Variants in NRG3 observed in about 807,000 individuals in gnomAD.
The protein encoded by NRG3 is pro-neuregulin-3, membrane-bound isoform.
Under a neutral mutation model 66.9 loss-of-function variants are expected in NRG3, and 31 were observed. The ratio of observed to expected loss-of-function variants is 0.46; its 90% CI spans 0.35 to 0.63. NRG3 has a LOEUF of 0.63. Ranked by LOEUF, NRG3 falls within the 20% of genes least tolerant of loss-of-function variation. The pLI, the probability that NRG3 is intolerant of heterozygous loss-of-function variation, is 0.00. For synonymous variants in NRG3, 393 were observed against 359.4 expected (o/e 1.09, Z -1.06); for missense variants, 910 against 878.9 (o/e 1.04, Z -0.45).
At chr10:82,827,171 A>G in intron 3 of NRG3, 1 of 335,540 alleles carries the variant, frequency 3.0e-6, no homozygotes, top group South Asian at 2.3e-5. Flanking sequence ...TCATCTTCAT[A>G]GCCCATATGT....
At chr10:82,039,993 T>G (rs973455744) in intron 1 of NRG3, among the ~76,000 whole-genome samples, 16 of 151,138 alleles carry the variant, frequency 1.1e-4, no homozygotes, top group African/African-American at 1.5e-4. Context: ...CCATGTAGAT[T>G]AAATACTGCT....
At chr10:81,906,212 A>T (rs943564424) in intron 1 of NRG3, among the ~76,000 whole-genome samples, 1 of 151,060 alleles carries the variant, frequency 6.6e-6, no homozygotes, top group African/African-American at 2.4e-5. Flanking sequence ...TGTTCTTATC[A>T]TCATCATCAT....
intron 3 of NRG3, among the ~76,000 whole-genome samples, chr10:82,799,443 T>C (rs911540256): frequency 6.6e-6 from 1 of 150,902 alleles, no homozygotes; most frequent in Admixed American, 6.6e-5. Flanking sequence ...GGAGAGTCAC[T>C]TGAACCGGGG....
chr10:82,228,674 C>G (rs937116811), intron 1 of NRG3, among the ~76,000 whole-genome samples: 1 of 152,178 alleles, frequency 6.6e-6, no homozygotes, highest in African/African-American at 2.4e-5. Flanking sequence ...ATACAGCCCC[C>G]TTTCCTCATG....
chr10:82,279,941 T>G (rs2079046143), intron 1 of NRG3, among the ~76,000 whole-genome samples: 1 of 152,198 alleles, frequency 6.6e-6, no homozygotes, highest in Non-Finnish European at 1.5e-5. Context: ...TTGAATCTAC[T>G]TTTTAAAATA....
At chr10:82,437,947 C>T (rs547314373) in intron 2 of NRG3, among the ~76,000 whole-genome samples, 79 of 152,266 alleles carry the variant, frequency 5.2e-4, no homozygotes, top group African/African-American at 1.8e-3. Flanking sequence ...CCTCTGACCT[C>T]GAGGGGCACC....
At chr10:82,461,662 G>A (rs563233348) in intron 2 of NRG3, among the ~76,000 whole-genome samples, 2 of 152,050 alleles carry the variant, frequency 1.3e-5, no homozygotes, top group African/African-American at 2.4e-5. Flanking sequence ...TGTTAGTTAC[G>A]TGAGAAAACA....
At chr10:82,015,059 C>G (rs1168415413) in intron 1 of NRG3, among the ~76,000 whole-genome samples, 1 of 152,090 alleles carries the variant, frequency 6.6e-6, no homozygotes, top group African/African-American at 2.4e-5. Flanking sequence ...TTCTCAAGAC[C>G]ACATCAGAAG....
At chr10:81,945,548 C>T (rs941462779) in intron 1 of NRG3, among the ~76,000 whole-genome samples, 1 of 152,086 alleles carries the variant, frequency 6.6e-6, no homozygotes, top group African/African-American at 2.4e-5. Flanking sequence ...TATCTTTGCT[C>T]TGAAAACAAA....
chr10:82,155,158 A>C (rs2071094448), intron 1 of NRG3, among the ~76,000 whole-genome samples: 1 of 151,734 alleles, frequency 6.6e-6, no homozygotes, highest in Admixed American at 6.6e-5. Context: ...CACAGATATA[A>C]ATGTTTTCTG....
At chr10:82,395,912 T>TA (rs1023677501) in intron 2 of NRG3, among the ~76,000 whole-genome samples, 8 of 152,098 alleles carry the variant, frequency 5.3e-5, no homozygotes, top group Admixed American at 1.3e-4. Flanking sequence ...TATAGAGAAA[T>TA]AAAAAAATAG....
At chr10:81,964,514 C>A (rs1420167273) in intron 1 of NRG3, among the ~76,000 whole-genome samples, 2 of 151,948 alleles carry the variant, frequency 1.3e-5, no homozygotes, top group Non-Finnish European at 2.9e-5. Context: ...TCTTCCCCTA[C>A]AGATGAACGT....
chr10:82,061,679 G>A (rs924769074), intron 1 of NRG3, among the ~76,000 whole-genome samples: 2 of 152,086 alleles, frequency 1.3e-5, no homozygotes, highest in African/African-American at 4.8e-5. Context: ...GTATCATGAT[G>A]GAGTCACACT....
At chr10:82,587,165 T>A (rs2046724579) in intron 2 of NRG3, among the ~76,000 whole-genome samples, 1 of 152,166 alleles carries the variant, frequency 6.6e-6, no homozygotes, top group Non-Finnish European at 1.5e-5. Context: ...ACCTATAGTA[T>A]TACAAAAGTT....
intron 2 of NRG3, among the ~76,000 whole-genome samples, chr10:82,690,665 T>A (rs2054856488): frequency 6.6e-6 from 1 of 152,190 alleles, no homozygotes. Flanking sequence ...CTCCCCTTCA[T>A]ATGACTAAAC....
chr10:82,132,525 G>GATATATATATC (rs1317557723), intron 1 of NRG3, among the ~76,000 whole-genome samples: 44 of 54,692 alleles, frequency 8.0e-4, no homozygotes, highest in African/African-American at 2.2e-3. Context: ...TGATATATAT[G>GATATATATATC]ATATATATAT....
At chr10:82,964,006 A>T (rs991941430) in intron 6 of NRG3, among the ~76,000 whole-genome samples, 1 of 152,224 alleles carries the variant, frequency 6.6e-6, no homozygotes, top group African/African-American at 2.4e-5. Context: ...TGTAGCATTA[A>T]TTAAAGTTAA....
intron 3 of NRG3, among the ~76,000 whole-genome samples, chr10:82,784,048 A>C (rs2060234990): frequency 6.6e-6 from 1 of 151,938 alleles, no homozygotes; most frequent in African/African-American, 2.4e-5. Flanking sequence ...CTCAGAAATA[A>C]TGCTGCGTAT....
intron 1 of NRG3, among the ~76,000 whole-genome samples, chr10:82,176,304 T>G (rs2073028037): frequency 6.6e-6 from 1 of 152,148 alleles, no homozygotes. Context: ...AGAGAACTCC[T>G]CTTTCCCAAC....
Sources: allele counts gnomAD v4.1 joint callset (sites outside exome capture counted in the v4.1 genomes callset), GRCh38; gene constraint gnomAD v4.1.1; transcripts MANE v1.5; gene names NCBI Gene and HGNC (gene_info 2026-07-23, HGNC 2026-07-21).